The following TBX3 variants were observed in gnomAD, a reference collection of about 807,000 sequenced individuals.
TBX3 encodes T-box transcription factor 3, also known as T-box transcription factor TBX3.
A neutral mutation model predicts 47.8 loss-of-function variants in TBX3; 11 were observed. The ratio of observed to expected loss-of-function variants is 0.23; its 90% confidence interval spans 0.14 to 0.38. The LOEUF (loss-of-function observed/expected upper bound fraction) is 0.38, where lower values mean the gene tolerates loss of function less well. Ranked by LOEUF, TBX3 falls within the 10% of genes least tolerant of loss-of-function variation. The probability of loss-of-function intolerance (pLI) is 1.00; values close to 1 mark genes in which losing one functional copy is unlikely to be tolerated. For missense variants in TBX3, 927 were observed against 1,022.8 expected (o/e 0.91, Z 1.28); for synonymous variants, 500 against 449.3 (o/e 1.11, Z -1.43).
rs1868420790 is a variant in TBX3, at chr12:114,671,503, T to C, written c.*338A>G. 2.3e-6 allele frequency: 1 copy of C among 429,526 alleles called. No homozygotes were observed. Among genetic ancestry groups the C allele is most frequent in the Admixed American group, 3.8e-5 (1 of 26,082 alleles). 26.6% of individuals were successfully genotyped at this position (429,526 alleles called of 1,614,324 possible). The stretch of plus-strand genomic sequence containing the variant: ...ATATATAAATCCGCACTGAGGGAGA[T>C]GTCTTTGAACACCTCCCCGCCTGGT... On this transcript the variant is annotated 3_prime_UTR_variant, in exon 7 of 7. Transcript: ENST00000349155.
chr12:114,683,039 G>C lies in TBX3; in HGVS notation c.162C>G (p.Leu54=). 6.2e-7 allele frequency: 1 copy of C among 1,608,092 alleles called. No homozygotes were observed. The highest frequency in any genetic ancestry group is 8.5e-7 in the Non-Finnish European group (1 of 1,176,052). ...LTLPPNGAAA[L]SLPGALAKPI... ...GCTTGGCCAGGGCGCCCGGCAGCGA[G>C]AGCGCCGCCGCGCCGTTGGGAGGCA... The change falls in exon 1 of 7, where the codon CTC becomes CTG. Residue 54 remains leucine, a synonymous_variant. Coordinates refer to ENST00000349155, the MANE Select transcript of TBX3 (RefSeq NM_005996.4). This position sits in a 1 kb window ranked among gnomAD's most constrained non-coding sequence, Gnocchi z 7.7.
Position 114,683,213 on chromosome 12 carries a change from G to C in TBX3, c.-13C>G. 6.2e-7 allele frequency: 1 copy of C among 1,607,350 alleles called. No homozygotes were observed. ...TGGAGAGGCTCATCCACTCCAGGCG[G>C]GGCGCTGGGCTCCAGCCGGGGACAA... is the stretch of plus-strand genomic sequence containing the variant. On this transcript the variant is annotated 5_prime_UTR_variant, in exon 1 of 7. Coordinates refer to ENST00000349155, the MANE Select transcript of TBX3 (RefSeq NM_005996.4). The surrounding 1 kb of genome is among the most constrained non-coding windows in gnomAD (Gnocchi z 7.7).
chr12:114,682,091 G>A (rs1868954252), intron 1 of TBX3, among the ~76,000 whole-genome samples: 2 of 152,100 alleles, frequency 1.3e-5, no homozygotes, highest in South Asian at 2.1e-4. Context: ...CTTCCAGGCA[G>A]GTTTTGGTCA....
rs1234535767 is a variant in TBX3 at position 114,679,546 on chromosome 12, C to G, written c.763G>C (p.Glu255Gln). The G allele has an allele frequency of 6.2e-7, 1 of 1,614,036 alleles. No individual in the cohort carries two copies. Among genetic ancestry groups the G allele is most frequent in the Non-Finnish European group, 8.5e-7 (1 of 1,180,052 alleles). Residue 255 changes from glutamate to glutamine, a missense_variant, in exon 3 of 7, where the codon GAA becomes CAA. Glu to Gln is a conservative substitution (Grantham distance 29). Coordinates refer to ENST00000349155, the MANE Select transcript of TBX3 (RefSeq NM_005996.4). ...GCAGTCACAGCGATGAATTCAGTTT[C>G]GGGGAACAAGTATGTCCGAAATGTA... ...YSTFRTYLFP[E>Q]TEFIAVTAYQ...
intron 2 of TBX3, chr12:114,680,567 A>G (rs1868884667): frequency 2.1e-6 from 1 of 482,182 alleles, no homozygotes; most frequent in Non-Finnish European, 3.8e-6. Flanking sequence ...TTAGGAATAC[A>G]TAGCCTTGAA....
rs1565861439 is a variant in TBX3, at chr12:114,680,006, TACAAAATG to T, written c.658-363_658-356del. ...ATAGAGAAAAACATGCATTTTAATT[TACAAAATG>T]ATTCAGTACTTTAAGCGCCCACTAA... On this transcript the variant is annotated intron_variant, in intron 2 of 6. Transcript: ENST00000349155. The T allele has an allele frequency of 3.1e-6, 5 of 1,610,336 alleles. No individual in the cohort carries two copies. The African/African-American group carries it at 6.7e-5, about 22-fold the overall frequency.
At chr12:114,675,674 G>C (rs907853900) in intron 5 of TBX3, among the ~76,000 whole-genome samples, 11 of 127,056 alleles carry the variant, frequency 8.7e-5, no homozygotes, top group African/African-American at 3.3e-4. Flanking sequence ...GTGTGTGTGT[G>C]TCTTTCCAAA....
At position 114,683,176 on chromosome 12, in the gene TBX3, C is replaced by G. The variant is rs748492156; in HGVS notation, c.25G>C (p.Val9Leu). ...TAGGCCATGCTTGTCCCAGGAATGA[C>G]CGGATCTCTCATGGAGAGGCTCATC... MSLSMRDP[V>L]IPGTSMAYHP... The change falls in exon 1 of 7, where the codon GTC (valine) becomes CTC (leucine). Residue 9 changes from valine to leucine, a missense_variant. Coordinates refer to ENST00000349155, the MANE Select transcript of TBX3 (RefSeq NM_005996.4). This position sits in a 1 kb window ranked among gnomAD's most constrained non-coding sequence, Gnocchi z 7.7. The G allele has an allele frequency of 6.2e-7, 1 of 1,612,016 alleles. No homozygotes were observed. The highest frequency in any genetic ancestry group is 8.5e-7 in the Non-Finnish European group (1 of 1,179,364).
At chr12:114,680,163 G>T (rs1010050540) in intron 2 of TBX3, 4 of 634,440 alleles carry the variant, frequency 6.3e-6, no homozygotes, top group Non-Finnish European at 8.4e-6. Flanking sequence ...CGCGCCATTC[G>T]CGTCTTCCTG....
At chr12:114,678,241 A>G (rs1405894566) in intron 3 of TBX3, among the ~76,000 whole-genome samples, 2 of 152,178 alleles carry the variant, frequency 1.3e-5, no homozygotes, top group Admixed American at 6.5e-5. Context: ...ATGCTCTGCC[A>G]TGGCCATTAG....
chr12:114,671,380 C>A lies in TBX3; in HGVS notation c.*461G>T. ...TGCAAGTCCCTATAAAGTTTTTAAT[C>A]TGCACAAACAGAATCATGTTAATGT... On this transcript the variant is annotated 3_prime_UTR_variant, in exon 7 of 7. Coordinates refer to ENST00000349155, the MANE Select transcript of TBX3 (RefSeq NM_005996.4). 3.9e-6 allele frequency: 1 copy of A among 255,446 alleles called. No individual in the cohort carries two copies. Among genetic ancestry groups the A allele is most frequent in the Non-Finnish European group, 7.6e-6 (1 of 131,024 alleles). 15.8% of individuals were successfully genotyped at this position (255,446 alleles called of 1,614,324 possible). A position where few individuals can be genotyped will look rare whatever the true frequency, so the allele number is the denominator to read the frequency against.
At chr12:114,672,954 G>A in intron 6 of TBX3, among the ~76,000 whole-genome samples, 1 of 152,352 alleles carries the variant, frequency 6.6e-6, no homozygotes, top group African/African-American at 2.4e-5. Flanking sequence ...AAATCGTCCA[G>A]CATGATTCAC....
rs751907473 is a variant in TBX3, at chr12:114,680,973, G to A, written c.563C>T (p.Pro188Leu). The stretch of plus-strand genomic sequence containing the variant: ...CTGTTCCCCAGTAGCGGGGCTGTCC[G>A]GGTGAATGTACATCCTCTTTGGCAT... ...PEMPKRMYIH[P>L]DSPATGEQWM... Residue 188 changes from proline (P) to leucine (L), a missense_variant, in exon 2 of 7, where the codon CCG becomes CTG. Transcript: ENST00000349155. The A allele has an allele frequency of 2.0e-5, 33 of 1,613,932 alleles. No individual in the cohort carries two copies. The highest frequency in any genetic ancestry group is 2.5e-5 in the Non-Finnish European group (29 of 1,180,014).
Position 114,683,789 on chromosome 12 carries a change from T to C in TBX3, c.-589A>G, listed in dbSNP as rs1869063270. 1.0e-5 allele frequency: 2 copies of C among 191,200 alleles called. No homozygotes were observed. Among genetic ancestry groups the C allele is most frequent in the East Asian group, 6.3e-5 (1 of 15,882 alleles). 11.8% of individuals were successfully genotyped at this position (191,200 alleles called of 1,614,324 possible). On this transcript the variant is annotated 5_prime_UTR_variant, in exon 1 of 7. Transcript: ENST00000349155. This position sits in a 1 kb window ranked among gnomAD's most constrained non-coding sequence, Gnocchi z 7.7. ...AGAGAGCGGAAAAAGTCTCTCTCCT[T>C]TAAAAAAAAAAAAATCTGATTTAAA...
Position 114,683,877 on chromosome 12 carries a change from C to A in TBX3, c.-677G>T, listed in dbSNP as rs1460998455. 8.6e-6 allele frequency: 2 copies of A among 232,266 alleles called. No homozygotes were observed. The highest frequency in any genetic ancestry group is 1.7e-5 in the Non-Finnish European group (2 of 117,480). The allele number at this position is 232,266 out of a possible 1,614,324, so 14.4% of individuals were successfully genotyped here. A position where few individuals can be genotyped will look rare whatever the true frequency, so the allele number is the denominator to read the frequency against. On this transcript the variant is annotated 5_prime_UTR_variant, in exon 1 of 7. Coordinates refer to ENST00000349155, the MANE Select transcript of TBX3 (RefSeq NM_005996.4). The surrounding 1 kb of genome is among the most constrained non-coding windows in gnomAD (Gnocchi z 7.7). ...ACTGGCTTCCGTTCGCCGCCCTCCT[C>A]CTCCTTCCTCTGCTCCGAGCCTCCG...
chr12:114,679,993 A>AT, intron 2 of TBX3: 1 of 1,613,590 alleles, frequency 6.2e-7, no homozygotes, highest in South Asian at 1.1e-5. Flanking sequence ...AGAGAAAAAC[A>AT]TGCATTTTAA....
At chr12:114,680,243 GA>G in intron 2 of TBX3, 1 of 498,012 alleles carries the variant, frequency 2.0e-6, no homozygotes, top group Admixed American at 3.3e-5. Context: ...GGAGGGGTAG[GA>G]AAAGGCGCAA....
chr12:114,672,501 G>C (rs954499724), intron 6 of TBX3, among the ~76,000 whole-genome samples, 199 bp from the exon 7 acceptor site: 1 of 151,710 alleles, frequency 6.6e-6, no homozygotes, highest in Non-Finnish European at 1.5e-5. Flanking sequence ...AAATCTCTAG[G>C]TACAAATCTT....
In TBX3 at chr12:114,674,472, G is replaced by A. The variant is rs973929178; in HGVS notation, c.1403C>T (p.Ala468Val). 5 of 1,539,690 alleles carry A rather than the reference G, an allele frequency of 3.2e-6. No homozygotes were observed. Among genetic ancestry groups the A allele is most frequent in the African/African-American group, 1.4e-5 (1 of 72,606 alleles). Reference sequence around the variant, plus strand: ...GCCCTGGGCCAGGTGCGCGGCGGCCGCGTCCGTCTGCACCGTGAGCGGCGC... The same window carrying A: ...GCCCTGGGCCAGGTGCGCGGCGGCCACGTCCGTCTGCACCGTGAGCGGCGC... ...AFAPLTVQTDAAAAHLAQGPL... is the reference protein window; with the variant it reads ...AFAPLTVQTDVAAAHLAQGPL... Residue 468 changes from alanine to valine, a missense_variant, in exon 6 of 7, where the codon GCG (alanine) becomes GTG (valine). Transcript: ENST00000349155.
Sources: allele counts gnomAD v4.1 joint callset (sites outside exome capture counted in the v4.1 genomes callset), GRCh38; gene constraint gnomAD v4.1.1; non-coding constraint Gnocchi (gnomAD v3.1); transcripts MANE v1.5; gene names NCBI Gene and HGNC (gene_info 2026-07-23, HGNC 2026-07-21).